Variants in TARS2 observed in about 807,000 individuals in gnomAD.
The protein encoded by TARS2 is threonyl-tRNA synthetase 2, mitochondrial.
A neutral mutation model predicts 94.4 loss-of-function variants in TARS2; 61 were observed. The observed-to-expected ratio is 0.65, with a 90% CI of 0.53 to 0.80. TARS2 has a LOEUF of 0.80. Ranked by LOEUF, TARS2 falls within the 30% of genes least tolerant of loss-of-function variation. The pLI, the probability that TARS2 is intolerant of heterozygous loss-of-function variation, is 0.00. For missense variants in TARS2, 704 were observed against 902.5 expected, an observed-to-expected ratio of 0.78 and a Z score of 2.82; for synonymous variants, 359 against 353.4, an observed-to-expected ratio of 1.02 and a Z score of -0.18.
chr1:150,498,361 G>A, intron 10 of TARS2, 141 bp from the exon 11 acceptor site: 1 of 993,530 alleles, frequency 1.0e-6, no homozygotes, highest in South Asian at 2.0e-5. Flanking sequence ...GGATTGACAG[G>A]ACTCAGTGGG....
intron 7 of TARS2, among the ~76,000 whole-genome samples, chr1:150,495,869 A>G (rs1295220470): frequency 6.6e-6 from 1 of 151,922 alleles, no homozygotes; most frequent in Admixed American, 6.6e-5. Flanking sequence ...ACAGGCACCC[A>G]CCACCACACC....
chr1:150,496,793 G>T lies in TARS2; in HGVS notation c.922-17G>T, dbSNP rs1447267908. The T allele has an allele frequency of 1.9e-6, 3 of 1,613,184 alleles. No homozygotes were observed. The Admixed American group carries it at 5.0e-5, about 27-fold the overall frequency. On this transcript the variant is annotated splice_polypyrimidine_tract_variant and intron_variant, in intron 8 of 17. Transcript: ENST00000369064. Reference sequence around the variant, plus strand: ...CTTGCCCTTGAGGTGACCCAATATTGCTATTCCTGACCCCAGGAACAGGAG... The same window carrying T: ...CTTGCCCTTGAGGTGACCCAATATTTCTATTCCTGACCCCAGGAACAGGAG...
chr1:150,499,371 A>AT (rs1669811546), intron 13 of TARS2, 78 bp downstream of exon 13: 2 of 1,383,338 alleles, frequency 1.4e-6, no homozygotes, highest in East Asian at 2.4e-5. Flanking sequence ...AGATACAAAG[A>AT]ATTTTTTTTT....
In TARS2 at chr1:150,504,666, C is replaced by G; in HGVS notation, c.1753C>G (p.His585Asp). ...TGCCCTGGAGCGTCCAGTCCTCATT[C>G]ACCGAGCAGTGCTCGGTTCTGTGGA... ...AGALERPVLI[H>D]RAVLGSVERL... is the part of the protein sequence containing the mutation. Residue 585 changes from histidine to aspartate, a missense_variant, in exon 15 of 18, where the codon CAC becomes GAC. His to Asp is a moderately conservative substitution (Grantham distance 81). Around this residue, in one of 3 missense-constraint regions of TARS2, gnomAD observed 466 missense variants for 609.5 expected, o/e 0.76. Coordinates refer to ENST00000369064, the MANE Select transcript of TARS2 (RefSeq NM_025150.5). The G allele has an allele frequency of 6.2e-7, 1 of 1,613,106 alleles. No individual in the cohort carries two copies. The highest frequency in any genetic ancestry group is 1.1e-5 in the South Asian group (1 of 91,060).
chr1:150,498,387 T>C, intron 10 of TARS2, 115 bp from the exon 11 acceptor site: 2 of 1,302,834 alleles, frequency 1.5e-6, no homozygotes, highest in Non-Finnish European at 2.0e-6. Context: ...GTGCTGAGGC[T>C]GGAGAGGGTT....
Position 150,490,039 on chromosome 1 carries a change from G to A in TARS2, c.388-562G>A, listed in dbSNP as rs116865774. Among the ~76,000 whole-genome samples the A allele has an allele frequency of 1.4e-3, 207 of 151,716 alleles. 2 individuals are homozygous for A. The highest frequency in any genetic ancestry group is 0.013 in the East Asian group (65 of 5,170). On this transcript the variant is annotated intron_variant, in intron 3 of 17. Coordinates refer to ENST00000369064, the MANE Select transcript of TARS2 (RefSeq NM_025150.5). ...TGCTTTGGAACTGGGAAGAACCAAG[G>A]ATTGAGGGGTGGGGCTGGAGCTTCT...
rs1271430404 is a variant in TARS2 at position 150,488,006 on chromosome 1, A to G, written c.215A>G (p.Asp72Gly). 6.2e-7 allele frequency: 1 copy of G among 1,614,036 alleles called. No individual in the cohort carries two copies. Among genetic ancestry groups the G allele is most frequent in the Non-Finnish European group, 8.5e-7 (1 of 1,180,024 alleles). Residue 72 changes from aspartate to glycine, a missense_variant, in exon 2 of 18, where the codon GAT becomes GGT. This residue lies in a region of TARS2 where 208 missense variants were observed against 228.5 expected (regional missense o/e 0.91). Coordinates refer to ENST00000369064, the MANE Select transcript of TARS2 (RefSeq NM_025150.5). ...KISLPGGQKI[D>G]AVAWNTTPYQ... ...TCACTTCCTGGAGGCCAGAAAATTG[A>G]TGCTGTGGCATGGAACACAACCCCC...
At chr1:150,487,719 A>G in intron 1 of TARS2, 139 bp from the exon 2 acceptor site, 2 of 1,300,146 alleles carry the variant, frequency 1.5e-6, no homozygotes, top group Non-Finnish European at 2.1e-6. Context: ...CCCCCAGCCT[A>G]GGGTCTTGTA....
chr1:150,492,440 GC>G lies in TARS2; in HGVS notation c.730del (p.His244ThrfsTer11), dbSNP rs2102480655. The G allele has an allele frequency of 3.1e-6, 5 of 1,613,944 alleles. No individual in the cohort carries two copies. Among genetic ancestry groups the G allele is most frequent in the Non-Finnish European group, 4.2e-6 (5 of 1,179,940 alleles). On this transcript the variant is annotated frameshift_variant, in exon 7 of 18. Transcript: ENST00000369064. LOFTEE classifies it high-confidence loss of function. The part of the protein sequence containing the change: ...GCGTLVDLCQ[G>X]PHLRHTGQIG... Reference sequence around the variant, plus strand: ...GGCACATTGGTTGACCTTTGCCAGGGCCCCCACCTTCGGCATACTGGACAGA... The same window carrying G: ...GGCACATTGGTTGACCTTTGCCAGGGCCCCACCTTCGGCATACTGGACAGA...
At chr1:150,487,538 C>A in intron 1 of TARS2, 22 bp downstream of exon 1, 1 of 1,614,174 alleles carries the variant, frequency 6.2e-7, no homozygotes, top group Non-Finnish European at 8.5e-7. Context: ...ACCCCCAAAG[C>A]TCCGATCCGC....
intron 9 of TARS2, among the ~76,000 whole-genome samples, chr1:150,497,312 G>A (rs1449478804): frequency 2.6e-5 from 4 of 151,968 alleles, no homozygotes; most frequent in Non-Finnish European, 5.9e-5. Context: ...TGGGGGGGCT[G>A]GTTTGGAATC....
At chr1:150,492,801 G>T (rs587646484) in intron 7 of TARS2, among the ~76,000 whole-genome samples, 1 of 102,806 alleles carries the variant, frequency 9.7e-6, no homozygotes, top group Non-Finnish European at 2.1e-5. Context: ...CAGAGCGAGA[G>T]TCCATCTCAA....
rs779810930 is a variant in TARS2, at chr1:150,492,411, G to T, written c.696G>T (p.Gly232=). The T allele has an allele frequency of 1.9e-6, 3 of 1,613,914 alleles. No homozygotes were observed. The highest frequency in any genetic ancestry group is 2.2e-5 in the East Asian group (1 of 44,870). The change falls in exon 7 of 18, where the codon GGG becomes GGT. Residue 232 remains glycine, a splice_region_variant and synonymous_variant. Coordinates refer to ENST00000369064, the MANE Select transcript of TARS2 (RefSeq NM_025150.5). ...CTAACTGGCCTCTTCTTTCTCCTAG[G>T]TGTGGCACATTGGTTGACCTTTGCC... is the stretch of plus-strand genomic sequence containing the variant. ...KVTGPTATVY[G]CGTLVDLCQG...
chr1:150,498,439 G>T, intron 10 of TARS2, 63 bp from the exon 11 acceptor site: 17 of 1,501,448 alleles, frequency 1.1e-5, no homozygotes, highest in Admixed American at 7.3e-5. Flanking sequence ...AGATTGGGTG[G>T]AGGAGCAGTC....
intron 13 of TARS2, among the ~76,000 whole-genome samples, chr1:150,501,960 T>TGGGGC (rs1176461319): frequency 6.6e-6 from 1 of 152,182 alleles, no homozygotes; most frequent in Non-Finnish European, 1.5e-5. Context: ...TCGCCCAGGT[T>TGGGGC]GGAGTGCAGT....
At position 150,498,610 on chromosome 1, in the gene TARS2, C is replaced by G. The variant is rs140399867; in HGVS notation, c.1347C>G (p.Thr449=). 4.2e-5 allele frequency: 67 copies of G among 1,612,290 alleles called. 1 individual carries two copies. The East Asian group carries it at 1.5e-3, about 36-fold the overall frequency. Residue 449 remains threonine (T), a synonymous_variant, in exon 11 of 18, where the codon ACC becomes ACG. Transcript: ENST00000369064. ...AEASGGLGGL[T]RLRCFQQDDA... is the part of the protein sequence containing the mutation. ...CCTCTGGTGGTCTGGGGGGACTGAC[C>G]CGACTGCGGTGCTTCCAGCAGGATG...
intron 13 of TARS2, among the ~76,000 whole-genome samples, chr1:150,503,629 A>C (rs587639190): frequency 8.2e-6 from 1 of 121,956 alleles, no homozygotes; most frequent in East Asian, 2.5e-4. Context: ...GTGTGTGTAT[A>C]TATGTGTGTG....
At chr1:150,499,389 A>C in intron 13 of TARS2, 96 bp downstream of exon 13, 2 of 1,145,266 alleles carry the variant, frequency 1.7e-6, no homozygotes, top group South Asian at 2.7e-5. Flanking sequence ...TTTTTGAGAC[A>C]GTCTCACTCT....
At chr1:150,501,048 C>G (rs587741561) in intron 13 of TARS2, among the ~76,000 whole-genome samples, 1 of 152,128 alleles carries the variant, frequency 6.6e-6, no homozygotes, top group South Asian at 2.1e-4. Context: ...TGAGGCTCTT[C>G]CCATCCCATG....
Sources: allele counts gnomAD v4.1 joint callset (sites outside exome capture counted in the v4.1 genomes callset), GRCh38; gene constraint gnomAD v4.1.1; regional missense constraint gnomAD v4.1.1; transcripts MANE v1.5; gene names NCBI Gene and HGNC (gene_info 2026-07-23, HGNC 2026-07-21).